CAMK1D: variants seen among roughly 807,000 people sequenced by gnomAD.
CAMK1D encodes the protein calcium/calmodulin dependent protein kinase ID, also known as calcium/calmodulin-dependent protein kinase type 1D.
Under a neutral mutation model 47.7 loss-of-function variants are expected in CAMK1D, and 9 were observed. The ratio of observed to expected loss-of-function variants is 0.19; its 90% CI spans 0.11 to 0.33. CAMK1D has a LOEUF of 0.33. Ranked by LOEUF, CAMK1D falls within the 10% of genes least tolerant of loss-of-function variation. CAMK1D has a pLI of 1.00. For missense variants in CAMK1D, 291 were observed against 488.7 expected (o/e 0.60, Z 3.81); for synonymous variants, 184 against 184.9 (o/e 0.99, Z 0.04).
chr10:12,370,548 G>A (rs1004962568), intron 1 of CAMK1D, among the ~76,000 whole-genome samples: 1 of 152,122 alleles, frequency 6.6e-6, no homozygotes, highest in African/African-American at 2.4e-5. Context: ...AAGATGTGGA[G>A]GTGGAAGACG....
At chr10:12,648,453 TGC>T (rs1839871679) in intron 2 of CAMK1D, among the ~76,000 whole-genome samples, 1 of 152,150 alleles carries the variant, frequency 6.6e-6, no homozygotes, top group African/African-American at 2.4e-5. Flanking sequence ...GTCTTTCGCT[TGC>T]TATTTATTTA....
rs76388089 is a variant in CAMK1D at position 12,681,483 on chromosome 10, C to G, written c.299+14673C>G. On this transcript the variant is annotated intron_variant, in intron 3 of 10. Transcript: ENST00000619168. ...CTCCTGCAGCAGGGCTGCTGGGTCC[C>G]GTGGAGGAAACCACATTGTCGGATG... is the stretch of plus-strand genomic sequence containing the variant. Among the ~76,000 whole-genome samples, 169 of 152,356 alleles carry G rather than the reference C, an allele frequency of 1.1e-3. 1 individual carries two copies. Among genetic ancestry groups the G allele is most frequent in the Non-Finnish European group, 1.8e-3 (124 of 68,030 alleles).
chr10:12,498,670 T>C (rs1339657179), intron 1 of CAMK1D, among the ~76,000 whole-genome samples: 3 of 152,162 alleles, frequency 2.0e-5, no homozygotes, highest in Non-Finnish European at 4.4e-5. Context: ...AAAGAAACTC[T>C]GGCTTCCAGA....
At chr10:12,532,841 C>T (rs1256267044) in intron 1 of CAMK1D, among the ~76,000 whole-genome samples, 1 of 151,606 alleles carries the variant, frequency 6.6e-6, no homozygotes, top group Non-Finnish European at 1.5e-5. Context: ...AAGCCAGGCA[C>T]AGAAAGACAA....
chr10:12,560,977 G>A (rs545379035), intron 2 of CAMK1D, among the ~76,000 whole-genome samples: 3 of 151,614 alleles, frequency 2.0e-5, no homozygotes, highest in Admixed American at 1.3e-4. Context: ...GCAGCAGTGC[G>A]ATCTCGGCTC....
At chr10:12,757,852 CTTTTTTTTTTTT>C (rs869125453) in intron 3 of CAMK1D, among the ~76,000 whole-genome samples, 1 of 91,446 alleles carries the variant, frequency 1.1e-5, no homozygotes, top group East Asian at 3.1e-4. Context: ...GGGCCCTGCT[CTTTTTTTTTTTT>C]TTTTTTTTTT....
At chr10:12,744,604 A>C (rs185158477) in intron 3 of CAMK1D, among the ~76,000 whole-genome samples, 2 of 152,232 alleles carry the variant, frequency 1.3e-5, no homozygotes, top group Non-Finnish European at 2.9e-5. Flanking sequence ...AACCTTAAAA[A>C]CAAAACTCAG....
At chr10:12,782,439 C>T (rs1014526289) in intron 5 of CAMK1D, among the ~76,000 whole-genome samples, 1 of 152,170 alleles carries the variant, frequency 6.6e-6, no homozygotes, top group African/African-American at 2.4e-5. Context: ...TGCAACAACA[C>T]GAAGCTTAAT....
intron 6 of CAMK1D, among the ~76,000 whole-genome samples, chr10:12,804,119 C>T (rs561749187): frequency 1.3e-5 from 2 of 152,200 alleles, no homozygotes; most frequent in Non-Finnish European, 2.9e-5. Flanking sequence ...ATGCCATTGG[C>T]CATCAGAAGG....
chr10:12,559,462 C>T (rs1836868623), intron 2 of CAMK1D, among the ~76,000 whole-genome samples: 2 of 152,152 alleles, frequency 1.3e-5, no homozygotes, highest in Non-Finnish European at 2.9e-5. Context: ...AACCACTCTC[C>T]AGCCCTTGTC....
At chr10:12,814,689 C>T (rs1259184769) in intron 7 of CAMK1D, among the ~76,000 whole-genome samples, 1 of 152,180 alleles carries the variant, frequency 6.6e-6, no homozygotes, top group African/African-American at 2.4e-5. Flanking sequence ...GCTGCACCCT[C>T]ATGACCTAAT....
intron 2 of CAMK1D, among the ~76,000 whole-genome samples, chr10:12,577,743 A>G (rs567307966): frequency 9.5e-4 from 145 of 152,348 alleles, no homozygotes; most frequent in African/African-American, 3.3e-3. Flanking sequence ...ACTCCGGCCA[A>G]TGCCCCATAA....
intron 6 of CAMK1D, among the ~76,000 whole-genome samples, chr10:12,800,625 A>G (rs1280950875): frequency 1.3e-5 from 2 of 152,200 alleles, no homozygotes; most frequent in East Asian, 1.9e-4. Flanking sequence ...TGTAATATAC[A>G]TGGAGATTTG....
At chr10:12,586,754 A>C (rs1008784240) in intron 2 of CAMK1D, among the ~76,000 whole-genome samples, 1 of 152,216 alleles carries the variant, frequency 6.6e-6, no homozygotes, top group African/African-American at 2.4e-5. Context: ...ACAACAAAAA[A>C]CTTAAAATCA....
Position 12,829,738 on chromosome 10 carries a change from A to AAG in CAMK1D, c.*852_*853insGA. 1 of 151,870 alleles carries AAG rather than the reference A, an allele frequency of 6.6e-6. No individual in the cohort carries two copies. 9.4% of individuals were successfully genotyped at this position (151,870 alleles called of 1,614,324 possible). A position where few individuals can be genotyped will look rare whatever the true frequency, so the allele number is the denominator to read the frequency against. ...ACAGAGCAAGACTCTGTCTCAAAAA[A>AAG]AAAAAAAAAAATTCTAACAAGAGGA... On this transcript the variant is annotated 3_prime_UTR_variant, in exon 11 of 11. Transcript: ENST00000619168.
intron 1 of CAMK1D, among the ~76,000 whole-genome samples, chr10:12,399,791 C>T (rs1236538298): frequency 6.6e-6 from 1 of 152,090 alleles, no homozygotes; most frequent in African/African-American, 2.4e-5. Context: ...TCTAGTGTTC[C>T]TAAGTGTGGA....
At chr10:12,612,076 G>T (rs1348421814) in intron 2 of CAMK1D, among the ~76,000 whole-genome samples, 1 of 152,174 alleles carries the variant, frequency 6.6e-6, no homozygotes, top group Non-Finnish European at 1.5e-5. Context: ...TGGCTCTCCA[G>T]TGCTCTGTGA....
chr10:12,772,168 G>A (rs1417008483), intron 5 of CAMK1D, among the ~76,000 whole-genome samples: 2 of 152,174 alleles, frequency 1.3e-5, no homozygotes, highest in Non-Finnish European at 2.9e-5. Context: ...GCCTGGGGTG[G>A]TGACGGGAGG....
intron 3 of CAMK1D, among the ~76,000 whole-genome samples, chr10:12,737,324 T>A (rs142486202): frequency 6.6e-6 from 1 of 152,218 alleles, no homozygotes; most frequent in African/African-American, 2.4e-5. Flanking sequence ...AACCTGTGCT[T>A]CATACCAGAA....
Sources: allele counts gnomAD v4.1 joint callset (sites outside exome capture counted in the v4.1 genomes callset), GRCh38; gene constraint gnomAD v4.1.1; transcripts MANE v1.5; gene names NCBI Gene and HGNC (gene_info 2026-07-23, HGNC 2026-07-21).